The following KCNT1 variants were observed in gnomAD, a reference collection of about 807,000 sequenced individuals.
KCNT1 encodes the protein potassium sodium-activated channel subfamily T member 1, also known as potassium channel subfamily T member 1.
A neutral mutation model predicts 147.8 loss-of-function variants in KCNT1; 78 were observed. The observed-to-expected ratio is 0.53, with a 90% CI of 0.44 to 0.64. The LOEUF (loss-of-function observed/expected upper bound fraction) is 0.64. Among genes scored for constraint, KCNT1 ranks in the 30% least tolerant of loss-of-function variants. The pLI is 0.00. For synonymous variants in KCNT1, 867 were observed against 748.8 expected (o/e 1.16, Z -2.58); for missense variants, 1,419 against 1,750.3 (o/e 0.81, Z 3.38).
chr9:135,768,556 C>A, intron 13 of KCNT1, 54 bp from the exon 14 acceptor site: 1 of 1,455,720 alleles, frequency 6.9e-7, no homozygotes, highest in Non-Finnish European at 9.4e-7. Context: ...GCACCCCCGG[C>A]TGCACTGCCC....
chr9:135,786,039 T>C (rs1834017439), intron 28 of KCNT1, 158 bp from the exon 29 acceptor site: 1 of 637,920 alleles, frequency 1.6e-6, no homozygotes, highest in Admixed American at 3.0e-5. Flanking sequence ...ACATGCACCC[T>C]GGGGTCTGTC....
intron 2 of KCNT1, among the ~76,000 whole-genome samples, chr9:135,748,679 C>T (rs948594307): frequency 2.0e-5 from 3 of 152,244 alleles, no homozygotes; most frequent in Non-Finnish European, 4.4e-5. Flanking sequence ...CTCCTCCACG[C>T]AGCCGTCCAG....
intron 21 of KCNT1, among the ~76,000 whole-genome samples, chr9:135,777,754 CTCCTGGG>C (rs1833276348): frequency 6.6e-6 from 1 of 151,148 alleles, no homozygotes; most frequent in Non-Finnish European, 1.5e-5. Context: ...GCTCCTCTGG[CTCCTGGG>C]TCCTCCCTGC....
At chr9:135,712,478 C>G (rs1033556189) in intron 1 of KCNT1, among the ~76,000 whole-genome samples, 1 of 152,232 alleles carries the variant, frequency 6.6e-6, no homozygotes, top group East Asian at 1.9e-4. Context: ...GTCCCCGTGT[C>G]TGGCTATGCC....
rs1412620311 is a variant in KCNT1, at chr9:135,752,718, C to G, written c.435-1219C>G. On this transcript the variant is annotated intron_variant, in intron 4 of 30. Transcript: ENST00000371757. This position sits in a 1 kb window ranked among gnomAD's most constrained non-coding sequence, Gnocchi z 5.1. ...TGGATAATGGATGGATAGGTGGATG[C>G]ATGGTGGGTAGATGGATGGATGGAT... Among the ~76,000 whole-genome samples, 1 of 135,726 alleles carries G rather than the reference C, an allele frequency of 7.4e-6. No individual in the cohort carries two copies. The highest frequency in any genetic ancestry group is 2.2e-4 in the East Asian group (1 of 4,552). 89.0% of individuals were successfully genotyped at this position (135,726 alleles called of 152,430 possible).
intron 21 of KCNT1, among the ~76,000 whole-genome samples, chr9:135,777,834 C>T (rs1227069811): frequency 6.6e-6 from 1 of 151,408 alleles, no homozygotes; most frequent in African/African-American, 2.4e-5. Flanking sequence ...CCAGCTCCCC[C>T]AGTTCCCAGC....
rs1369367033 is a variant in KCNT1, at chr9:135,792,153, C to T, written c.3700C>T (p.Gln1234Ter). 6.2e-7 allele frequency: 1 copy of T among 1,605,542 alleles called. No individual in the cohort carries two copies. Among genetic ancestry groups the T allele is most frequent in the South Asian group, 1.1e-5 (1 of 90,806 alleles). The change falls in exon 31 of 31, where the codon CAG becomes TAG. Residue 1234 changes from glutamine (Q) to a stop codon, truncating the protein, a stop_gained. Transcript: ENST00000371757. LOFTEE classifies it high-confidence loss of function. ...CAACCCCGAGACTCGCGACGAGACA[C>T]AGCTCTGAGCCAGCCCTGCACGGAG... ...SCNPETRDET[Q>*]L
intron 11 of KCNT1, among the ~76,000 whole-genome samples, chr9:135,762,489 T>C (rs1417456796): frequency 6.6e-6 from 1 of 152,192 alleles, no homozygotes; most frequent in Non-Finnish European, 1.5e-5. Context: ...GGGTCCTGCC[T>C]GTAATCCCAG....
At position 135,751,027 on chromosome 9, in the gene KCNT1, C is replaced by A; in HGVS notation, c.420C>A (p.Ala140=). ...TGCGCGTCCTGCTCGATGACCCGGC[C>A]CTGGGCATCGGATGGTGGGCCACGT... is the stretch of plus-strand genomic sequence containing the variant. ...YIVRVLLDDP[A]LGIGCWGCPK... is the part of the protein sequence containing the mutation. The change falls in exon 4 of 31, where the codon GCC becomes GCA. Residue 140 remains alanine (A), a synonymous_variant. Coordinates refer to ENST00000371757, the MANE Select transcript of KCNT1 (RefSeq NM_020822.3). 1 of 1,611,486 alleles carries A rather than the reference C, an allele frequency of 6.2e-7. No individual in the cohort carries two copies. The highest frequency in any genetic ancestry group is 8.5e-7 in the Non-Finnish European group (1 of 1,179,810).
intron 2 of KCNT1, among the ~76,000 whole-genome samples, chr9:135,722,501 C>T (rs779182969): frequency 6.6e-6 from 1 of 152,246 alleles, no homozygotes; most frequent in African/African-American, 2.4e-5. Context: ...TCCACTGTTC[C>T]GTTTCCATCA....
chr9:135,760,933 A>C (rs1203602717), intron 11 of KCNT1, among the ~76,000 whole-genome samples: 1 of 152,186 alleles, frequency 6.6e-6, no homozygotes, highest in Non-Finnish European at 1.5e-5. Context: ...GTGTTCTAGA[A>C]GAAGCCAGTT....
At chr9:135,705,382 T>C (rs1260220721) in intron 1 of KCNT1, among the ~76,000 whole-genome samples, 3 of 152,224 alleles carry the variant, frequency 2.0e-5, no homozygotes, top group South Asian at 2.1e-4. Context: ...TGAGGGATGC[T>C]GAACGGGTAT....
chr9:135,763,092 G>T (rs754505392), intron 11 of KCNT1, among the ~76,000 whole-genome samples: 7 of 152,252 alleles, frequency 4.6e-5, no homozygotes, highest in Non-Finnish European at 1.0e-4. Flanking sequence ...GCAGGGCCTG[G>T]GGGCTGGCGC....
chr9:135,768,476 C>A (rs988642559), intron 13 of KCNT1, 134 bp from the exon 14 acceptor site: 1 of 640,150 alleles, frequency 1.6e-6, no homozygotes, highest in East Asian at 2.8e-5. Context: ...TCCAGCCGTC[C>A]TCTCAGTCTC....
intron 24 of KCNT1, 27 bp from the exon 25 acceptor site, chr9:135,783,997 C>G (rs1833821096): frequency 6.3e-7 from 1 of 1,583,066 alleles, no homozygotes. Context: ...CGGCACCAGC[C>G]CATCTGAGGC....
intron 7 of KCNT1, 68 bp from the exon 8 acceptor site, chr9:135,757,088 G>GGCC: frequency 5.7e-6 from 4 of 695,730 alleles, no homozygotes; most frequent in Non-Finnish European, 9.1e-6. Flanking sequence ...TCCCCACCCT[G>GGCC]CCCCTCCCCT....
In KCNT1 at chr9:135,775,304, C is replaced by T. The variant is rs777610014; in HGVS notation, c.2244-6C>T. On this transcript the variant is annotated splice_polypyrimidine_tract_variant and splice_region_variant and intron_variant, in intron 19 of 30. Transcript: ENST00000371757. ...CTGTGCTGAGGGCTCCTGTCTCCTG[C>T]CCCAGGTATGTGAAGGGCTACCCTC... 5 of 1,601,462 alleles carry T rather than the reference C, an allele frequency of 3.1e-6. No individual in the cohort carries two copies. Among genetic ancestry groups the T allele is most frequent in the Non-Finnish European group, 4.3e-6 (5 of 1,172,964 alleles).
intron 1 of KCNT1, among the ~76,000 whole-genome samples, chr9:135,713,059 G>C (rs1242658077): frequency 6.6e-6 from 1 of 152,244 alleles, no homozygotes; most frequent in African/African-American, 2.4e-5. Context: ...TTGAGGCCAG[G>C]AGGAGGAACC....
chr9:135,754,479 G>C (rs374640219), intron 5 of KCNT1, among the ~76,000 whole-genome samples: 1 of 152,202 alleles, frequency 6.6e-6, no homozygotes, highest in Non-Finnish European at 1.5e-5. Context: ...CCCCGGGCAG[G>C]CAGTGGGAGG....
Sources: allele counts gnomAD v4.1 joint callset (sites outside exome capture counted in the v4.1 genomes callset), GRCh38; gene constraint gnomAD v4.1.1; non-coding constraint Gnocchi (gnomAD v3.1); transcripts MANE v1.5; gene names NCBI Gene and HGNC (gene_info 2026-07-23, HGNC 2026-07-21).